The following LHFPL3 variants were observed in gnomAD, a reference collection of about 807,000 sequenced individuals.
LHFPL3 encodes LHFPL tetraspan subfamily member 3 protein.
In LHFPL3, 5 loss-of-function variants were observed where a neutral mutation model predicts 19.3. The observed-to-expected ratio is 0.26, with a 90% CI of 0.14 to 0.54. LHFPL3 has a LOEUF of 0.54. Ranked by LOEUF, LHFPL3 falls within the 20% of genes least tolerant of loss-of-function variation. LHFPL3 has a pLI of 0.94. For missense variants in LHFPL3, 249 were observed against 307.4 expected (o/e 0.81, Z 1.42); for synonymous variants, 133 against 126.2 (o/e 1.05, Z -0.36).
intron 2 of LHFPL3, among the ~76,000 whole-genome samples, chr7:104,765,592 G>A (rs534920968): frequency 3.3e-5 from 5 of 152,036 alleles, no homozygotes; most frequent in African/African-American, 7.2e-5. Flanking sequence ...AAATTACAAA[G>A]GCATTTTCTG....
At chr7:104,653,739 C>G (rs1283479453) in intron 1 of LHFPL3, among the ~76,000 whole-genome samples, 1 of 152,190 alleles carries the variant, frequency 6.6e-6, no homozygotes, top group Non-Finnish European at 1.5e-5. Context: ...GACATTCCAC[C>G]TGCCTGCAGG....
intron 1 of LHFPL3, among the ~76,000 whole-genome samples, chr7:104,697,165 C>A (rs944715482): frequency 2.0e-5 from 3 of 152,132 alleles, no homozygotes; most frequent in African/African-American, 7.2e-5. Flanking sequence ...ACCTAGAGAC[C>A]TACCGAAGAC....
chr7:104,516,146 A>G (rs967633100), intron 1 of LHFPL3, among the ~76,000 whole-genome samples: 2 of 152,114 alleles, frequency 1.3e-5, no homozygotes, highest in Non-Finnish European at 2.9e-5. Context: ...GAAACTTACA[A>G]TCATGGCAGA....
chr7:104,713,378 A>G (rs1412381770), intron 1 of LHFPL3, among the ~76,000 whole-genome samples: 2 of 152,250 alleles, frequency 1.3e-5, no homozygotes, highest in Non-Finnish European at 2.9e-5. Context: ...TAATTGACTC[A>G]CAGTTCCACA....
rs36063537 is a variant in LHFPL3, at chr7:104,877,838, A to ATTT, written c.683-28338_683-28336dup. On this transcript the variant is annotated intron_variant, in intron 2 of 2. Transcript: ENST00000424859. ...CTTGTATGGAAATGTTTATAGCAGC[A>ATTT]TTTTTTTTTTTTTGAGACAGAGTCT... Among the ~76,000 whole-genome samples, 179 of 147,914 alleles carry ATTT rather than the reference A, an allele frequency of 1.2e-3. 2 individuals are homozygous for ATTT. The highest frequency in any genetic ancestry group is 2.0e-3 in the Non-Finnish European group (134 of 66,902).
chr7:104,515,580 G>C (rs1313912582), intron 1 of LHFPL3, among the ~76,000 whole-genome samples: 1 of 152,118 alleles, frequency 6.6e-6, no homozygotes, highest in African/African-American at 2.4e-5. Flanking sequence ...TGTTATTCAT[G>C]GGGTTGTGAC....
chr7:104,361,193 C>T lies in LHFPL3; in HGVS notation c.445+31969C>T, dbSNP rs992064383. 5.9e-5 allele frequency among the ~76,000 whole-genome samples: 9 copies of T among 152,298 alleles called. No homozygotes were observed. In the South Asian group the frequency reaches 1.2e-3, roughly 21 times the overall value. On this transcript the variant is annotated intron_variant, in intron 1 of 2. Transcript: ENST00000424859. Reference sequence around the variant, plus strand: ...AAAATATTTATGATCTGGCTTTTTGCGGAAAACGCTTGCCAACCCTTGCTC... The same window carrying T: ...AAAATATTTATGATCTGGCTTTTTGTGGAAAACGCTTGCCAACCCTTGCTC...
intron 1 of LHFPL3, among the ~76,000 whole-genome samples, chr7:104,354,328 C>T (rs1187491046): frequency 1.3e-5 from 2 of 152,212 alleles, no homozygotes; most frequent in African/African-American, 4.8e-5. Flanking sequence ...ATTTCTACCA[C>T]ACCAGACAAC....
At chr7:104,740,415 GTCT>G (rs1793911888) in intron 2 of LHFPL3, among the ~76,000 whole-genome samples, 1 of 152,144 alleles carries the variant, frequency 6.6e-6, no homozygotes, top group Admixed American at 6.5e-5. Flanking sequence ...TCATGATGAT[GTCT>G]TCTTTTTGTG....
At chr7:104,448,407 C>A (rs1210581825) in intron 1 of LHFPL3, among the ~76,000 whole-genome samples, 1 of 152,114 alleles carries the variant, frequency 6.6e-6, no homozygotes, top group Non-Finnish European at 1.5e-5. Context: ...CTATAATTAC[C>A]CAGTTTTGGT....
At chr7:104,776,907 T>G (rs1330454229) in intron 2 of LHFPL3, among the ~76,000 whole-genome samples, 1 of 152,184 alleles carries the variant, frequency 6.6e-6, no homozygotes, top group African/African-American at 2.4e-5. Context: ...CCTTCACCCT[T>G]GATTCAACTG....
chr7:104,344,656 G>A (rs1790029700), intron 1 of LHFPL3, among the ~76,000 whole-genome samples: 1 of 151,974 alleles, frequency 6.6e-6, no homozygotes, highest in Non-Finnish European at 1.5e-5. Context: ...ATTTTCTTTA[G>A]CCACACATTA....
intron 2 of LHFPL3, among the ~76,000 whole-genome samples, chr7:104,757,263 A>G (rs769251888): frequency 1.1e-4 from 17 of 152,198 alleles, no homozygotes; most frequent in Non-Finnish European, 2.2e-4. Flanking sequence ...CTTAAAAGGA[A>G]ACCTAGGAAA....
intron 1 of LHFPL3, among the ~76,000 whole-genome samples, chr7:104,661,557 T>C (rs1446676274): frequency 6.6e-6 from 1 of 152,218 alleles, no homozygotes; most frequent in Non-Finnish European, 1.5e-5. Context: ...TTTTATGTTA[T>C]TTTGAGATGA....
chr7:104,407,768 T>G (rs913015560), intron 1 of LHFPL3, among the ~76,000 whole-genome samples: 1 of 152,194 alleles, frequency 6.6e-6, no homozygotes, highest in Non-Finnish European at 1.5e-5. Flanking sequence ...TGGGTAGAGA[T>G]CAGCCAAGTC....
At chr7:104,789,609 A>G (rs4730049) in intron 2 of LHFPL3, among the ~76,000 whole-genome samples, 76,715 of 151,756 alleles carry the variant, frequency 0.51, 19,753 homozygotes, top group East Asian at 0.82. Context: ...TGACTCCCAC[A>G]CCCCCTCCCC....
intron 2 of LHFPL3, among the ~76,000 whole-genome samples, chr7:104,763,146 TGTC>T (rs1439556649): frequency 6.6e-6 from 1 of 152,194 alleles, no homozygotes; most frequent in Non-Finnish European, 1.5e-5. Flanking sequence ...GAAGTACCCA[TGTC>T]TTAAGCTCTG....
intron 1 of LHFPL3, among the ~76,000 whole-genome samples, chr7:104,414,825 T>C (rs1489959249): frequency 1.3e-5 from 2 of 152,204 alleles, no homozygotes; most frequent in Non-Finnish European, 2.9e-5. Flanking sequence ...AAAAGAACTT[T>C]GACAAATACA....
intron 1 of LHFPL3, among the ~76,000 whole-genome samples, chr7:104,348,426 C>A (rs953798739): frequency 1.3e-5 from 2 of 152,136 alleles, no homozygotes; most frequent in Non-Finnish European, 2.9e-5. Flanking sequence ...AGATTAAAAA[C>A]GATGAACTAT....
Sources: gnomAD v4.1 joint callset for allele counts (sites outside exome capture counted in the v4.1 genomes callset) on GRCh38, gnomAD v4.1.1 for gene constraint, MANE v1.5 for transcripts, NCBI Gene and HGNC (gene_info 2026-07-23, HGNC 2026-07-21) for gene names.